The following FLNB variants were observed in gnomAD, a reference collection of about 807,000 sequenced individuals.
FLNB encodes filamin B, also known as filamin-B.
FLNB carries 111 observed loss-of-function variants against 250.6 expected under a neutral mutation model. The observed-to-expected ratio is 0.44, with a 90% CI of 0.38 to 0.52. The LOEUF (loss-of-function observed/expected upper bound fraction) is 0.52, where lower values mean the gene tolerates loss of function less well. FLNB is among the 20% of genes least tolerant of loss of function. The pLI, the probability that FLNB is intolerant of heterozygous loss-of-function variation, is 0.00. For synonymous variants in FLNB, 1,302 were observed against 1,372.1 expected, an observed-to-expected ratio of 0.95 and a Z score of 1.13; for missense variants, 2,869 against 3,447.8, an observed-to-expected ratio of 0.83 and a Z score of 4.20.
Position 58,153,532 on chromosome 3 carries a change from C to T in FLNB, c.6525C>T (p.His2175=), listed in dbSNP as rs750758714. 47 of 1,614,044 alleles carry T rather than the reference C, an allele frequency of 2.9e-5. No individual in the cohort carries two copies. Among genetic ancestry groups the T allele is most frequent in the Admixed American group, 6.7e-5 (4 of 60,012 alleles). ...TCAGCGTCAAGTACCGTGGGCAGCA[C>T]GTCACCGGCAGCCCCTTCCAGTTCA... is the stretch of plus-strand genomic sequence containing the variant. The part of the protein sequence containing the change: ...HTVSVKYRGQ[H]VTGSPFQFTV... The change falls in exon 39 of 46, where the codon CAC becomes CAT. Residue 2175 remains histidine (H), a synonymous_variant. Transcript: ENST00000295956.
In FLNB at chr3:58,143,574, C is replaced by T; in HGVS notation, c.5386C>T (p.His1796Tyr). Residue 1796 changes from histidine (H) to tyrosine (Y), a missense_variant, in exon 32 of 46, where the codon CAT becomes TAT. By Grantham distance (83) the His-to-Tyr change is moderately conservative (BLOSUM62 2). Transcript: ENST00000295956. Reference sequence around the variant, plus strand: ...ATATGCCCCCACTGAGGTCGGGCTCCATGAGATGCACATCAAATACATGGG... The same window carrying T: ...ATATGCCCCCACTGAGGTCGGGCTCTATGAGATGCACATCAAATACATGGG... Reference protein sequence around the residue: ...VRYAPTEVGLHEMHIKYMGSH... With the variant: ...VRYAPTEVGLYEMHIKYMGSH... 1 of 1,614,180 alleles carries T rather than the reference C, an allele frequency of 6.2e-7. No homozygotes were observed. Among genetic ancestry groups the T allele is most frequent in the Non-Finnish European group, 8.5e-7 (1 of 1,180,046 alleles).
intron 9 of FLNB, among the ~76,000 whole-genome samples, 168 bp downstream of exon 9, chr3:58,102,508 A>C (rs997264679): frequency 2.0e-5 from 3 of 152,196 alleles, no homozygotes; most frequent in Non-Finnish European, 4.4e-5. Flanking sequence ...ATTGATTAGT[A>C]ATGTCTGCCC....
intron 38 of FLNB, among the ~76,000 whole-genome samples, chr3:58,153,052 G>T (rs1245820401): frequency 6.6e-6 from 1 of 152,252 alleles, no homozygotes; most frequent in Non-Finnish European, 1.5e-5. Context: ...AAATGCCAAA[G>T]CTTCTTGACG....
rs148101195 is a variant in FLNB at position 58,136,037 on chromosome 3, C to T, written c.4730C>T (p.Ala1577Val). Residue 1577 changes from alanine to valine, a missense_variant, in exon 28 of 46, where the codon GCT becomes GTT. Transcript: ENST00000295956. ...CATGACAATAAAGATGGCACGTATG[C>T]TGTCACCTACATCCCCGACAAGACT... ...IVHDNKDGTY[A>V]VTYIPDKTGR... 7.4e-5 allele frequency: 120 copies of T among 1,614,228 alleles called. No individual in the cohort carries two copies. In the African/African-American group the frequency reaches 1.4e-3, roughly 19 times the overall value.
intron 1 of FLNB, among the ~76,000 whole-genome samples, chr3:58,026,688 CTG>C (rs889492199): frequency 1.3e-5 from 2 of 152,274 alleles, no homozygotes; most frequent in African/African-American, 2.4e-5. Flanking sequence ...AGGAATCTGT[CTG>C]TGTCTTGCAT....
Position 58,164,293 on chromosome 3 carries a change from G to A in FLNB, c.7198+963G>A, listed in dbSNP as rs1313920042. The A allele has an allele frequency of 6.6e-6, 1 of 152,314 alleles. No homozygotes were observed. Among genetic ancestry groups the A allele is most frequent in the Non-Finnish European group, 1.5e-5 (1 of 68,100 alleles). 9.4% of individuals were successfully genotyped at this position (152,314 alleles called of 1,614,324 possible). On this transcript the variant is annotated intron_variant, in intron 43 of 45. Coordinates refer to ENST00000295956, the MANE Select transcript of FLNB (RefSeq NM_001457.4). The surrounding 1 kb of genome is among the most constrained non-coding windows in gnomAD (Gnocchi z 4.0). ...GGTGGCATCGGGTGGTGCGCAGTGA[G>A]TGCGTCACTGTTATGGAGGCTGCCA...
At chr3:58,068,977 T>C (rs1403912635) in intron 1 of FLNB, among the ~76,000 whole-genome samples, 1 of 151,644 alleles carries the variant, frequency 6.6e-6, no homozygotes, top group Non-Finnish European at 1.5e-5. Flanking sequence ...CGGAACCCTG[T>C]CTCTATAAAA....
Position 58,143,467 on chromosome 3 carries a change from C to A in FLNB, c.5285-6C>A. The A allele has an allele frequency of 6.2e-7, 1 of 1,614,110 alleles. No homozygotes were observed. Among genetic ancestry groups the A allele is most frequent in the South Asian group, 1.1e-5 (1 of 91,080 alleles). On this transcript the variant is annotated splice_polypyrimidine_tract_variant and splice_region_variant and intron_variant, in intron 31 of 45. Transcript: ENST00000295956. ...CTTCATTGCCCCGTCTCTCTGTGCT[C>A]CATAGGAGAGGTCCACATGCCTTCT...
At position 58,156,030 on chromosome 3, in the gene FLNB, C is replaced by T. The variant is rs140332932; in HGVS notation, c.6843C>T (p.Ile2281=). The change falls in exon 41 of 46, where the codon ATC becomes ATT. Residue 2281 remains isoleucine (I), a synonymous_variant. Coordinates refer to ENST00000295956, the MANE Select transcript of FLNB (RefSeq NM_001457.4). ...IPESPYLVPV[I]APSDDARRLT... is the part of the protein sequence containing the mutation. ...AAAGCCCCTACCTGGTGCCGGTCAT[C>T]GCACCCTCCGACGACGCCCGCCGCC... is the stretch of plus-strand genomic sequence containing the variant. 1.0e-4 allele frequency: 169 copies of T among 1,614,120 alleles called. No homozygotes were observed. In the African/African-American group the frequency reaches 2.0e-3, roughly 19 times the overall value.
intron 22 of FLNB, 47 bp from the exon 23 acceptor site, chr3:58,125,534 A>G (rs563353518): frequency 6.3e-7 from 1 of 1,588,998 alleles, no homozygotes; most frequent in African/African-American, 1.3e-5. Context: ...TTTCACAAAT[A>G]GGGGATTTGT....
chr3:58,139,358 G>C (rs2097322410), intron 29 of FLNB, among the ~76,000 whole-genome samples: 1 of 152,118 alleles, frequency 6.6e-6, no homozygotes, highest in South Asian at 2.1e-4. Flanking sequence ...TTGATACTGT[G>C]GTCAGCAGCC....
chr3:58,110,177 G>T lies in FLNB; in HGVS notation c.2484+7G>T, dbSNP rs753221257. On this transcript the variant is annotated splice_region_variant and intron_variant, in intron 16 of 45. Coordinates refer to ENST00000295956, the MANE Select transcript of FLNB (RefSeq NM_001457.4). The stretch of plus-strand genomic sequence containing the variant: ...AGTTCTCTTTGCATCTCAGGTACGT[G>T]GTGGGGCCTGGGAGGAGATGGGTGG... The T allele has an allele frequency of 5.0e-6, 8 of 1,614,030 alleles. No homozygotes were observed. The highest frequency in any genetic ancestry group is 1.7e-6 in the Non-Finnish European group (2 of 1,180,020).
rs768353778 is a variant in FLNB at position 58,109,141 on chromosome 3, G to A, written c.2056-38G>A. 3.7e-6 allele frequency: 6 copies of A among 1,613,988 alleles called. No individual in the cohort carries two copies. The South Asian group carries it at 4.4e-5, about 12-fold the overall frequency. On this transcript the variant is annotated intron_variant, in intron 13 of 45. Coordinates refer to ENST00000295956, the MANE Select transcript of FLNB (RefSeq NM_001457.4). ...TGACCCTGTCTGATAGAGACAGTGT[G>A]AGGGCCACCTCTGGTCCTAGCTCTG...
intron 41 of FLNB, among the ~76,000 whole-genome samples, chr3:58,158,728 G>A (rs544970113): frequency 3.3e-4 from 50 of 152,316 alleles, no homozygotes; most frequent in African/African-American, 1.1e-3. Context: ...TCCCAGAAGA[G>A]GAGATAGTTT....
intron 1 of FLNB, among the ~76,000 whole-genome samples, chr3:58,072,277 A>G (rs1179138306): frequency 6.6e-6 from 1 of 151,704 alleles, no homozygotes; most frequent in Non-Finnish European, 1.5e-5. Flanking sequence ...CCCAATTCCA[A>G]CCCACTGAAA....
chr3:58,059,151 C>T (rs2097174553), intron 1 of FLNB, among the ~76,000 whole-genome samples: 1 of 152,100 alleles, frequency 6.6e-6, no homozygotes, highest in Non-Finnish European at 1.5e-5. Flanking sequence ...ACCCCCTTTT[C>T]TGGAAAAACC....
rs1465536911 is a variant in FLNB at position 58,109,687 on chromosome 3, G to A, written c.2311G>A (p.Glu771Lys). 3 of 1,614,106 alleles carry A rather than the reference G, an allele frequency of 1.9e-6. No individual in the cohort carries two copies. Among genetic ancestry groups the A allele is most frequent in the South Asian group, 2.2e-5 (2 of 91,056 alleles). The change falls in exon 15 of 46, where the codon GAG (glutamate) becomes AAG (lysine). Residue 771 changes from glutamate (E) to lysine (K), a missense_variant. Physicochemically the swap from Glu to Lys is moderately conservative, Grantham distance 56 (BLOSUM62 1). This residue lies in a region of FLNB where 1,348 missense variants were observed against 1,466.7 expected (regional missense o/e 0.92). Transcript: ENST00000295956. Reference protein sequence around the residue: ...EPTHFTVDCTEAGEGDVSVGI... With the variant: ...EPTHFTVDCTKAGEGDVSVGI... Reference sequence around the variant, plus strand: ...TACACACTTCACGGTGGACTGTACTGAGGCTGGGGAAGGTGAGAAAGGGCT... The same window carrying A: ...TACACACTTCACGGTGGACTGTACTAAGGCTGGGGAAGGTGAGAAAGGGCT...
intron 1 of FLNB, among the ~76,000 whole-genome samples, chr3:58,033,648 C>T (rs1221461011): frequency 2.0e-5 from 3 of 152,052 alleles, no homozygotes; most frequent in Non-Finnish European, 4.4e-5. Context: ...GCCTTGGCCT[C>T]CCAAAGTGCT....
intron 25 of FLNB, chr3:58,131,959 C>G (rs1255775995): frequency 1.3e-6 from 2 of 1,537,190 alleles, no homozygotes; most frequent in South Asian, 2.4e-5. Flanking sequence ...ATGGCGCAGC[C>G]CCTTGAAAGC....
Sources: allele counts gnomAD v4.1 joint callset (sites outside exome capture counted in the v4.1 genomes callset), GRCh38; gene constraint gnomAD v4.1.1; regional missense constraint gnomAD v4.1.1; non-coding constraint Gnocchi (gnomAD v3.1); transcripts MANE v1.5; gene names NCBI Gene and HGNC (gene_info 2026-07-23, HGNC 2026-07-21).